Variants in GTF3C5 observed in about 807,000 individuals in gnomAD.
The protein encoded by GTF3C5 is general transcription factor IIIC subunit 5, also known as general transcription factor 3C polypeptide 5.
In GTF3C5, 47 loss-of-function variants were observed where a neutral mutation model predicts 61.0. That is an observed-to-expected ratio of 0.77 (90% CI 0.61 to 0.98). GTF3C5 has a LOEUF of 0.98. GTF3C5 is among the 50% of genes least tolerant of loss of function. GTF3C5 has a pLI of 0.00. For synonymous variants in GTF3C5, 295 were observed against 275.4 expected (o/e 1.07, Z -0.71); for missense variants, 659 against 703.3 (o/e 0.94, Z 0.71).
At chr9:133,055,643 T>G (rs2119036886) in intron 8 of GTF3C5, 2 of 985,128 alleles carry the variant, frequency 2.0e-6, no homozygotes, top group South Asian at 9.4e-5. Context: ...GGACATAGGG[T>G]GACAAATTAG....
intron 9 of GTF3C5, among the ~76,000 whole-genome samples, chr9:133,056,525 A>C (rs1285510676): frequency 6.6e-6 from 1 of 152,230 alleles, no homozygotes; most frequent in Non-Finnish European, 1.5e-5. Context: ...ATGGTTCACC[A>C]GAAGCATGTG....
intron 1 of GTF3C5, among the ~76,000 whole-genome samples, chr9:133,040,461 C>T (rs1850004459): frequency 6.6e-6 from 1 of 152,172 alleles, no homozygotes. Flanking sequence ...TGAATGTCTA[C>T]CATGAGTTAG....
At position 133,056,820 on chromosome 9, in the gene GTF3C5, G is replaced by T. The variant is rs767747457; in HGVS notation, c.1305G>T (p.Arg435=). 5 of 1,612,006 alleles carry T rather than the reference G, an allele frequency of 3.1e-6. No homozygotes were observed. The African/African-American group carries it at 5.3e-5, about 17-fold the overall frequency. ...GGGCAGAGAATTCCTGCACAGAACGGGATGGGTGGTGCCTCCCCAAGACCA... is the reference window on the plus strand; with the variant it reads ...GGGCAGAGAATTCCTGCACAGAACGTGATGGGTGGTGCCTCCCCAAGACCA... ...NDGAENSCTE[R]DGWCLPKTSD... Residue 435 remains arginine (R), a synonymous_variant, in exon 10 of 11, where the codon CGG becomes CGT. Coordinates refer to ENST00000372097, the MANE Select transcript of GTF3C5 (RefSeq NM_012087.4).
At chr9:133,055,283 G>T (rs1043467269) in intron 8 of GTF3C5, 2 of 1,420,386 alleles carry the variant, frequency 1.4e-6, no homozygotes, top group East Asian at 3.3e-5. Flanking sequence ...TCAGGCTCCC[G>T]CAAGCCGCTC....
In GTF3C5 at chr9:133,031,352, T is replaced by C. The variant is rs187995399; in HGVS notation, c.153+188T>C. ...GGAAGGATTTTTGTTTTTGTTTTTG[T>C]TTTTTTGTTGGTTTTTCAGGCGGAG... On this transcript the variant is annotated intron_variant, in intron 1 of 10. Transcript: ENST00000372097. Among the ~76,000 whole-genome samples the C allele has an allele frequency of 2.0e-3, 299 of 152,172 alleles. 1 individual carries two copies. Among genetic ancestry groups the C allele is most frequent in the African/African-American group, 6.8e-3 (284 of 41,508 alleles).
intron 3 of GTF3C5, among the ~76,000 whole-genome samples, chr9:133,050,531 C>T (rs1850338212): frequency 6.6e-6 from 1 of 152,210 alleles, no homozygotes; most frequent in African/African-American, 2.4e-5. Context: ...TTTGGCCTTT[C>T]CCCAGTTTGA....
At chr9:133,048,047 T>A (rs1850256283) in intron 3 of GTF3C5, among the ~76,000 whole-genome samples, 1 of 152,140 alleles carries the variant, frequency 6.6e-6, no homozygotes, top group Admixed American at 6.5e-5. Context: ...GAGGATGGCC[T>A]GAGCCTGGGA....
chr9:133,053,400 C>T (rs538582463), intron 5 of GTF3C5, among the ~76,000 whole-genome samples: 4 of 152,236 alleles, frequency 2.6e-5, no homozygotes, highest in Admixed American at 2.6e-4. Flanking sequence ...GCCTAGGCAA[C>T]ATAATGAGAC....
chr9:133,050,972 G>C lies in GTF3C5; in HGVS notation c.762G>C (p.Leu254=), dbSNP rs749507473. The change falls in exon 4 of 11, where the codon CTG becomes CTC. Residue 254 remains leucine (L), a synonymous_variant. Transcript: ENST00000372097. ...TGGACCGGAAGGTGGAGGAGGAGCT[G>C]AGGAAGGCAAGTCCTGCGCTGCGCC... ...NPVDRKVEEE[L]RKLFDIRPIW... 21 of 1,606,188 alleles carry C rather than the reference G, an allele frequency of 1.3e-5. No individual in the cohort carries two copies. Among genetic ancestry groups the C allele is most frequent in the African/African-American group, 2.7e-5 (2 of 74,538 alleles).
At chr9:133,050,639 G>C (rs1850342349) in intron 3 of GTF3C5, 144 bp from the exon 4 acceptor site, 1 of 602,812 alleles carries the variant, frequency 1.7e-6, no homozygotes, top group Non-Finnish European at 2.9e-6. Context: ...CAACTCTGGG[G>C]TCCTTTCCCA....
intron 3 of GTF3C5, among the ~76,000 whole-genome samples, chr9:133,048,171 A>G (rs1850261160): frequency 6.6e-6 from 1 of 151,668 alleles, no homozygotes; most frequent in African/African-American, 2.4e-5. Flanking sequence ...TCTTCACCAC[A>G]AGCAGCATAC....
chr9:133,053,682 G>C lies in GTF3C5; in HGVS notation c.874-146G>C, dbSNP rs1261530660. On this transcript the variant is annotated intron_variant, in intron 5 of 10. Transcript: ENST00000372097. ...GCCACGTGCCCTCACCAAGGTGACAGGGCCTGCATGTGGCAGAGCAGGGCT... is the reference window on the plus strand; with the variant it reads ...GCCACGTGCCCTCACCAAGGTGACACGGCCTGCATGTGGCAGAGCAGGGCT... The C allele has an allele frequency of 1.2e-5, 6 of 496,788 alleles. No individual in the cohort carries two copies. The East Asian group carries it at 1.8e-4, about 15-fold the overall frequency. 30.8% of individuals were successfully genotyped at this position (496,788 alleles called of 1,614,324 possible). A position where few individuals can be genotyped will look rare whatever the true frequency, so the allele number is the denominator to read the frequency against.
At chr9:133,032,347 G>T (rs1004570354) in intron 1 of GTF3C5, among the ~76,000 whole-genome samples, 1 of 152,196 alleles carries the variant, frequency 6.6e-6, no homozygotes, top group Non-Finnish European at 1.5e-5. Flanking sequence ...TAGAACAGGG[G>T]TGTGGGTTAC....
chr9:133,032,021 A>C (rs1849747809), intron 1 of GTF3C5, among the ~76,000 whole-genome samples: 1 of 152,196 alleles, frequency 6.6e-6, no homozygotes, highest in Non-Finnish European at 1.5e-5. Context: ...ACATACTGAC[A>C]TATTGGTTCT....
At chr9:133,056,704 T>G (rs1291752704) in intron 9 of GTF3C5, 62 bp from the exon 10 acceptor site, 1 of 1,478,252 alleles carries the variant, frequency 6.8e-7, no homozygotes, top group African/African-American at 1.4e-5. Flanking sequence ...AAACCAACAC[T>G]GGCATCTCTT....
rs766526872 is a variant in GTF3C5, at chr9:133,042,126, C to T, written c.193C>T (p.Arg65Trp). 6 of 1,614,010 alleles carry T rather than the reference C, an allele frequency of 3.7e-6. No homozygotes were observed. The highest frequency in any genetic ancestry group is 1.3e-5 in the African/African-American group (1 of 75,028). The stretch of plus-strand genomic sequence containing the variant: ...CACCAAGAGGCTGGAGCTGTACTTC[C>T]GGCCCAAGGACCCATACTGCCACCC... ...DPTKRLELYF[R>W]PKDPYCHPVC... Residue 65 changes from arginine to tryptophan, a missense_variant, in exon 2 of 11, where the codon CGG becomes TGG. Coordinates refer to ENST00000372097, the MANE Select transcript of GTF3C5 (RefSeq NM_012087.4).
At chr9:133,039,840 A>T (rs1240433574) in intron 1 of GTF3C5, among the ~76,000 whole-genome samples, 1 of 152,076 alleles carries the variant, frequency 6.6e-6, no homozygotes, top group Admixed American at 6.5e-5. Flanking sequence ...TTTTATTCAC[A>T]TTTTTCAGAT....
At chr9:133,040,858 A>G (rs1465459456) in intron 1 of GTF3C5, among the ~76,000 whole-genome samples, 1 of 152,200 alleles carries the variant, frequency 6.6e-6, no homozygotes, top group African/African-American at 2.4e-5. Flanking sequence ...ACATAAAACA[A>G]CAAGTTATAC....
At chr9:133,040,759 C>G (rs1228234019) in intron 1 of GTF3C5, among the ~76,000 whole-genome samples, 1 of 152,154 alleles carries the variant, frequency 6.6e-6, no homozygotes, top group Non-Finnish European at 1.5e-5. Context: ...CCGCACCAAG[C>G]CTGAGTTACC....
Sources: allele counts gnomAD v4.1 joint callset (sites outside exome capture counted in the v4.1 genomes callset), GRCh38; gene constraint gnomAD v4.1.1; transcripts MANE v1.5; gene names NCBI Gene and HGNC (gene_info 2026-07-23, HGNC 2026-07-21).